Variants in AKAP10 observed in about 807,000 individuals in gnomAD.
AKAP10 encodes the protein A-kinase anchor protein 10, mitochondrial.
AKAP10 carries 24 observed loss-of-function variants against 80.8 expected under a neutral mutation model. The ratio of observed to expected loss-of-function variants is 0.30; its 90% CI spans 0.22 to 0.42. The LOEUF is 0.42. AKAP10 is among the 10% of genes least tolerant of loss of function. AKAP10 has a pLI of 1.00. For missense variants in AKAP10, 661 were observed against 794.9 expected (o/e 0.83, Z 2.03); for synonymous variants, 291 against 277.7 (o/e 1.05, Z -0.48).
At position 19,946,265 on chromosome 17, in the gene AKAP10, A is replaced by AT. The variant is rs1434267618; in HGVS notation, c.976+1141dup. 2.3e-3 allele frequency among the ~76,000 whole-genome samples: 62 copies of AT among 27,438 alleles called. 5 individuals are homozygous for AT. The highest frequency in any genetic ancestry group is 5.5e-3 in the African/African-American group (34 of 6,162). 18.0% of individuals were successfully genotyped at this position (27,438 alleles called of 152,430 possible). On this transcript the variant is annotated intron_variant, in intron 5 of 14. Transcript: ENST00000225737. ...TATATATATATATATATATATATATATATATATATATTTTTTTTTTTTTTT... is the reference window on the plus strand; with the variant it reads ...TATATATATATATATATATATATATATTATATATATATTTTTTTTTTTTTTT...
At chr17:19,969,571 G>A (rs746284492) in intron 1 of AKAP10, among the ~76,000 whole-genome samples, 1 of 150,796 alleles carries the variant, frequency 6.6e-6, no homozygotes, top group Non-Finnish European at 1.5e-5. Context: ...AATCTTACCA[G>A]GAAAAGGTTA....
chr17:19,945,280 T>TC (rs2043091221), intron 5 of AKAP10, among the ~76,000 whole-genome samples: 1 of 152,186 alleles, frequency 6.6e-6, no homozygotes, highest in Non-Finnish European at 1.5e-5. Flanking sequence ...GACTTGAAAC[T>TC]GCTTCCTTTT....
rs907266094 is a variant in AKAP10, at chr17:19,932,572, A to C, written c.1468-594T>G. On this transcript the variant is annotated intron_variant, in intron 9 of 14. Transcript: ENST00000225737. ...AATACTTTTTAGCAGAAAATAGTCC[A>C]TAGGATATAATTTGAAACTCGATTT... is the stretch of plus-strand genomic sequence containing the variant. 2.0e-5 allele frequency among the ~76,000 whole-genome samples: 3 copies of C among 152,188 alleles called. No individual in the cohort carries two copies. In the East Asian group the frequency reaches 5.8e-4, roughly 29 times the overall value.
chr17:19,956,252 A>G (rs1043394929), intron 4 of AKAP10, among the ~76,000 whole-genome samples: 6 of 152,190 alleles, frequency 3.9e-5, no homozygotes, highest in African/African-American at 1.4e-4. Flanking sequence ...TGCATGGCAA[A>G]AGAAAATGCA....
intron 1 of AKAP10, among the ~76,000 whole-genome samples, chr17:19,969,682 T>C (rs2043469967): frequency 6.6e-6 from 1 of 152,136 alleles, no homozygotes; most frequent in Non-Finnish European, 1.5e-5. Flanking sequence ...CCTCAGAGTA[T>C]CTGGATGAAG....
chr17:19,926,928 C>T (rs2042880684), intron 10 of AKAP10, among the ~76,000 whole-genome samples: 1 of 151,964 alleles, frequency 6.6e-6, no homozygotes. Flanking sequence ...CAAGACCAGC[C>T]GGGTGAACAT....
chr17:19,915,916 TC>T (rs1343736823), intron 12 of AKAP10, among the ~76,000 whole-genome samples: 4 of 152,202 alleles, frequency 2.6e-5, no homozygotes, highest in Non-Finnish European at 1.5e-5. Flanking sequence ...TCCCATCATT[TC>T]CCTGCTCCAA....
chr17:19,910,058 T>A, intron 12 of AKAP10, 80 bp from the exon 13 acceptor site: 1 of 1,406,470 alleles, frequency 7.1e-7, no homozygotes, highest in Middle Eastern at 2.2e-4. Flanking sequence ...CTGGCCATGG[T>A]GGTTCATGCC....
intron 2 of AKAP10, among the ~76,000 whole-genome samples, chr17:19,964,501 T>A (rs952723510): frequency 6.6e-6 from 1 of 152,200 alleles, no homozygotes; most frequent in Non-Finnish European, 1.5e-5. Flanking sequence ...TTCTTTCTGC[T>A]AGAAAGCATA....
In AKAP10 at chr17:19,926,266, T is replaced by C. The variant is rs147464726; in HGVS notation, c.1642-1749A>G. Reference sequence around the variant, plus strand: ...AAGAACATGACAATATTCAACACCCTTTCATGATTTAAAAAAAAAAAAAAG... The same window carrying C: ...AAGAACATGACAATATTCAACACCCCTTCATGATTTAAAAAAAAAAAAAAG... On this transcript the variant is annotated intron_variant, in intron 10 of 14. Coordinates refer to ENST00000225737, the MANE Select transcript of AKAP10 (RefSeq NM_007202.4). Among the ~76,000 whole-genome samples, 89 of 150,924 alleles carry C rather than the reference T, an allele frequency of 5.9e-4. 1 individual carries two copies. In the East Asian group the frequency reaches 8.2e-3, roughly 14 times the overall value.
intron 4 of AKAP10, among the ~76,000 whole-genome samples, chr17:19,957,406 G>A (rs995181336): frequency 2.0e-5 from 3 of 152,094 alleles, no homozygotes; most frequent in African/African-American, 7.2e-5. Context: ...GCCGGGTGTG[G>A]TGGCAGGCGC....
At chr17:19,947,561 G>A in intron 4 of AKAP10, 56 bp from the exon 5 acceptor site, 1 of 1,145,168 alleles carries the variant, frequency 8.7e-7, no homozygotes, top group Non-Finnish European at 1.3e-6. Flanking sequence ...CTCCAGTAAT[G>A]AATTATATTC....
intron 8 of AKAP10, among the ~76,000 whole-genome samples, chr17:19,938,698 T>C (rs994707315): frequency 6.6e-6 from 1 of 152,048 alleles, no homozygotes; most frequent in Non-Finnish European, 1.5e-5. Flanking sequence ...CCTTTAGCAT[T>C]TGCTTAAGGA....
chr17:19,947,119 T>TG (rs1291406536), intron 5 of AKAP10: 3 of 382,822 alleles, frequency 7.8e-6, no homozygotes, highest in African/African-American at 6.3e-5. Flanking sequence ...CGGTGGTCTG[T>TG]GCCGGTTAGC....
chr17:19,936,570 TG>T, intron 8 of AKAP10, 140 bp from the exon 9 acceptor site: 5 of 813,918 alleles, frequency 6.1e-6, no homozygotes, highest in African/African-American at 1.7e-5. Context: ...GTGATGACAG[TG>T]CTGATGTAAC....
At chr17:19,909,829 A>T in intron 13 of AKAP10, 97 bp downstream of exon 13, 1 of 1,051,050 alleles carries the variant, frequency 9.5e-7, no homozygotes, top group Non-Finnish European at 1.4e-6. Flanking sequence ...CATGCTGCTT[A>T]AACATGGGAC....
chr17:19,917,640 C>T (rs1383585263), intron 12 of AKAP10, among the ~76,000 whole-genome samples: 2 of 152,124 alleles, frequency 1.3e-5, no homozygotes, highest in Admixed American at 6.6e-5. Context: ...CATGCAGCCC[C>T]CAATATTGTT....
chr17:19,960,210 T>C (rs915791254), intron 3 of AKAP10, among the ~76,000 whole-genome samples: 1 of 152,214 alleles, frequency 6.6e-6, no homozygotes, highest in Non-Finnish European at 1.5e-5. Context: ...TGTTCAGATT[T>C]CCCCAGTTTT....
At chr17:19,956,241 G>A (rs1597520212) in intron 4 of AKAP10, among the ~76,000 whole-genome samples, 1 of 152,084 alleles carries the variant, frequency 6.6e-6, no homozygotes, top group Non-Finnish European at 1.5e-5. Flanking sequence ...CAGGCCCCAG[G>A]TGCATGGCAA....
Sources: allele counts gnomAD v4.1 joint callset (sites outside exome capture counted in the v4.1 genomes callset), GRCh38; gene constraint gnomAD v4.1.1; transcripts MANE v1.5; gene names NCBI Gene and HGNC (gene_info 2026-07-23, HGNC 2026-07-21).